Variants in SOHLH2 observed in about 807,000 individuals in gnomAD.
SOHLH2 encodes the protein spermatogenesis and oogenesis specific basic helix-loop-helix 2, also known as spermatogenesis- and oogenesis-specific basic helix-loop-helix-containing protein 2.
In SOHLH2, 22 loss-of-function variants were observed where a neutral mutation model predicts 50.4. The ratio of observed to expected loss-of-function variants is 0.44; its 90% CI spans 0.31 to 0.62. The LOEUF (loss-of-function observed/expected upper bound fraction) is 0.62, where lower values mean the gene tolerates loss of function less well. Among genes scored for constraint, SOHLH2 ranks in the 20% least tolerant of loss-of-function variants. The pLI is 0.08. For synonymous variants in SOHLH2, 185 were observed against 187.3 expected, an observed-to-expected ratio of 0.99 and a Z score of 0.10; for missense variants, 412 against 504.4, an observed-to-expected ratio of 0.82 and a Z score of 1.76.
At chr13:36,211,268 C>T (rs1215635698) in intron 1 of SOHLH2, among the ~76,000 whole-genome samples, 1 of 152,082 alleles carries the variant, frequency 6.6e-6, no homozygotes, top group Non-Finnish European at 1.5e-5. Context: ...CTAGGGTGTC[C>T]TGGGATATAG....
chr13:36,214,409 G>A (rs1399031419), intron 1 of SOHLH2, 70 bp downstream of exon 1: 2 of 1,557,416 alleles, frequency 1.3e-6, no homozygotes, highest in African/African-American at 2.7e-5. Context: ...TGAGGGCCGA[G>A]GGGACCACCG....
chr13:36,184,887 A>G (rs1049995950), intron 6 of SOHLH2, among the ~76,000 whole-genome samples: 1 of 152,086 alleles, frequency 6.6e-6, no homozygotes, highest in Non-Finnish European at 1.5e-5. Flanking sequence ...CCCCGCATGC[A>G]TTAGGTATTT....
At chr13:36,175,036 C>CA in intron 6 of SOHLH2, among the ~76,000 whole-genome samples, 167 bp from the exon 7 acceptor site, 1 of 152,244 alleles carries the variant, frequency 6.6e-6, no homozygotes, top group Non-Finnish European at 1.5e-5. Context: ...GCAGCCCTCA[C>CA]AGCCCCTGAA....
At chr13:36,186,752 A>C (rs2138289656) in intron 6 of SOHLH2, among the ~76,000 whole-genome samples, 1 of 152,366 alleles carries the variant, frequency 6.6e-6, no homozygotes, top group South Asian at 2.1e-4. Flanking sequence ...TATAAGAATT[A>C]GCTAATTTTG....
At chr13:36,196,128 T>TAGA (rs1566043063) in intron 2 of SOHLH2, among the ~76,000 whole-genome samples, 1 of 98,200 alleles carries the variant, frequency 1.0e-5, no homozygotes, top group Non-Finnish European at 2.1e-5. Context: ...AGATAGATAA[T>TAGA]TTTTTTTTTT....
chr13:36,201,748 G>A (rs1350213974), intron 2 of SOHLH2, 131 bp downstream of exon 2: 7 of 1,344,658 alleles, frequency 5.2e-6, no homozygotes, highest in Non-Finnish European at 5.9e-6. Context: ...AGGATTACAC[G>A]CATGAGCCAA....
chr13:36,175,462 G>T (rs1184926026), intron 6 of SOHLH2, among the ~76,000 whole-genome samples: 4 of 152,208 alleles, frequency 2.6e-5, no homozygotes, highest in Non-Finnish European at 4.4e-5. Context: ...AGCAGACCAG[G>T]ATGCAGGTAT....
intron 6 of SOHLH2, among the ~76,000 whole-genome samples, chr13:36,181,600 G>A (rs1566037648): frequency 6.6e-6 from 1 of 152,142 alleles, no homozygotes; most frequent in Non-Finnish European, 1.5e-5. Flanking sequence ...AGTTATGCAA[G>A]TGCATTTATC....
intron 2 of SOHLH2, among the ~76,000 whole-genome samples, chr13:36,195,508 G>A (rs1042858613): frequency 1.3e-5 from 2 of 152,106 alleles, no homozygotes; most frequent in African/African-American, 4.8e-5. Context: ...GGAAAGGTTT[G>A]GTATTGAAGA....
rs768468478 is a variant in SOHLH2, at chr13:36,170,690, T to G, written c.1098A>C (p.Arg366Ser). 1.9e-6 allele frequency: 3 copies of G among 1,614,070 alleles called. No homozygotes were observed. The highest frequency in any genetic ancestry group is 2.7e-5 in the African/African-American group (2 of 74,928). ...ALSLNSLHTVRYYSKVTPSYD... is the reference protein window; with the variant it reads ...ALSLNSLHTVSYYSKVTPSYD... ...AGGAAGGGGTGACTTTAGAATAATA[T>G]CTGACAGTATGCAAGGAATTCAGAG... The change falls in exon 10 of 11, where the codon AGA becomes AGC. Residue 366 changes from arginine (R) to serine (S), a missense_variant. Physicochemically the swap from Arg to Ser is moderately radical, Grantham distance 110. Transcript: ENST00000379881.
intron 5 of SOHLH2, among the ~76,000 whole-genome samples, chr13:36,191,145 AG>A (rs939121092): frequency 6.6e-6 from 1 of 152,202 alleles, no homozygotes; most frequent in African/African-American, 2.4e-5. Context: ...ATTGGAAGGA[AG>A]GGTCTGATCC....
chr13:36,210,025 T>C (rs1453397713), intron 1 of SOHLH2, among the ~76,000 whole-genome samples: 1 of 152,162 alleles, frequency 6.6e-6, no homozygotes, highest in Non-Finnish European at 1.5e-5. Flanking sequence ...ATTTTCCTCC[T>C]GGAAAGAACT....
chr13:36,202,792 G>A (rs7993473), intron 1 of SOHLH2, among the ~76,000 whole-genome samples: 2 of 152,196 alleles, frequency 1.3e-5, no homozygotes, highest in Non-Finnish European at 2.9e-5. Flanking sequence ...GGAAATGCCA[G>A]GCCATAGACA....
intron 1 of SOHLH2, among the ~76,000 whole-genome samples, chr13:36,209,174 G>A (rs897394872): frequency 3.3e-5 from 5 of 151,928 alleles, no homozygotes; most frequent in African/African-American, 1.2e-4. Context: ...CAGATTACCA[G>A]CTTAGTCTTC....
intron 1 of SOHLH2, among the ~76,000 whole-genome samples, chr13:36,212,143 T>C (rs924316072): frequency 6.6e-6 from 1 of 151,812 alleles, no homozygotes; most frequent in Non-Finnish European, 1.5e-5. Flanking sequence ...TGAGGGTAGG[T>C]AGGAAGATGA....
intron 2 of SOHLH2, among the ~76,000 whole-genome samples, chr13:36,196,127 A>ATAGATAGATAGATAAT (rs1555245225): frequency 8.4e-4 from 86 of 102,006 alleles, no homozygotes; most frequent in African/African-American, 3.6e-3. Context: ...TAGATAGATA[A>ATAGATAGATAGATAAT]TTTTTTTTTT....
intron 6 of SOHLH2, among the ~76,000 whole-genome samples, chr13:36,185,967 CAGA>C (rs541850254): frequency 1.2e-4 from 19 of 152,166 alleles, no homozygotes; most frequent in South Asian, 1.0e-3. Flanking sequence ...TTTCAGAAAA[CAGA>C]AGGTTTTCCA....
At chr13:36,208,935 C>A (rs554343677) in intron 1 of SOHLH2, among the ~76,000 whole-genome samples, 1 of 152,258 alleles carries the variant, frequency 6.6e-6, no homozygotes, top group African/African-American at 2.4e-5. Flanking sequence ...CCTTTGGATG[C>A]TTTTCTCCTC....
At chr13:36,202,859 A>G (rs1216484396) in intron 1 of SOHLH2, among the ~76,000 whole-genome samples, 1 of 152,180 alleles carries the variant, frequency 6.6e-6, no homozygotes, top group Non-Finnish European at 1.5e-5. Context: ...GAGTGAGGGA[A>G]GGGGCTGGAA....
Sources: gnomAD v4.1 joint callset for allele counts (sites outside exome capture counted in the v4.1 genomes callset) on GRCh38, gnomAD v4.1.1 for gene constraint, MANE v1.5 for transcripts, NCBI Gene and HGNC (gene_info 2026-07-23, HGNC 2026-07-21) for gene names.